Variants in DAB1 observed in about 807,000 individuals in gnomAD.
The protein encoded by DAB1 is DAB adaptor protein 1, also known as disabled homolog 1.
A neutral mutation model predicts 64.6 loss-of-function variants in DAB1; 15 were observed. The observed-to-expected ratio is 0.23, with a 90% CI of 0.16 to 0.36. DAB1 has a LOEUF of 0.36. DAB1 is among the 10% of genes least tolerant of loss of function. The pLI is 1.00. For missense variants in DAB1, 596 were observed against 706.7 expected, an observed-to-expected ratio of 0.84 and a Z score of 1.78; for synonymous variants, 235 against 251.9, an observed-to-expected ratio of 0.93 and a Z score of 0.64.
chr1:57,735,611 T>G (rs1216030773), intron 6 of DAB1, among the ~76,000 whole-genome samples: 1 of 33,744 alleles, frequency 3.0e-5, no homozygotes, highest in African/African-American at 1.5e-4. Flanking sequence ...GTTTGCTTGT[T>G]TTTTTTTTTT....
intron 1 of DAB1, among the ~76,000 whole-genome samples, chr1:57,303,163 C>A (rs1374542150): frequency 1.3e-5 from 2 of 152,032 alleles, no homozygotes; most frequent in East Asian, 3.9e-4. Context: ...CAGAAGAGAC[C>A]AGAGAGATCC....
intron 3 of DAB1, among the ~76,000 whole-genome samples, chr1:57,137,525 A>G (rs147075691): frequency 2.3e-3 from 357 of 152,278 alleles, no homozygotes; most frequent in Admixed American, 3.9e-3. Context: ...GCAGGAAAGC[A>G]TGGGCTCCAT....
At chr1:58,154,133 C>T (rs1257496947) in intron 4 of DAB1, among the ~76,000 whole-genome samples, 2 of 152,052 alleles carry the variant, frequency 1.3e-5, no homozygotes. Context: ...TTAAAAAACG[C>T]TCCCTATCCT....
chr1:57,555,190 A>T (rs555918679), intron 7 of DAB1, among the ~76,000 whole-genome samples: 10 of 151,474 alleles, frequency 6.6e-5, no homozygotes, highest in Admixed American at 1.3e-4. Flanking sequence ...ACGTGCCCCC[A>T]CACCCAGGTA....
At chr1:57,283,241 T>C (rs573935778) in intron 2 of DAB1, among the ~76,000 whole-genome samples, 3 of 152,350 alleles carry the variant, frequency 2.0e-5, no homozygotes, top group South Asian at 2.1e-4. Flanking sequence ...CTTGACAACA[T>C]GGTCCATTTT....
intron 1 of DAB1, among the ~76,000 whole-genome samples, chr1:57,382,199 C>T (rs571646450): frequency 6.6e-6 from 1 of 152,278 alleles, no homozygotes; most frequent in South Asian, 2.1e-4. Context: ...AACACACTCT[C>T]ACCCAACAGC....
intron 2 of DAB1, among the ~76,000 whole-genome samples, chr1:58,517,973 G>T (rs541437346): frequency 7.9e-5 from 12 of 151,470 alleles, no homozygotes; most frequent in Non-Finnish European, 1.3e-4. Context: ...GGTCACCTGA[G>T]GTTGGGAGTT....
intron 3 of DAB1, among the ~76,000 whole-genome samples, chr1:58,431,988 T>C (rs1246518138): frequency 6.6e-6 from 1 of 152,188 alleles, no homozygotes; most frequent in Non-Finnish European, 1.5e-5. Flanking sequence ...GGCTTGAACA[T>C]AGATTTCTCA....
chr1:57,588,974 GC>G (rs201319770), intron 7 of DAB1, among the ~76,000 whole-genome samples: 3,378 of 152,212 alleles, frequency 0.022, 146 homozygotes, highest in African/African-American at 0.074. Context: ...GGTGGCTCAC[GC>G]CTGTAATCCC....
intron 2 of DAB1, among the ~76,000 whole-genome samples, chr1:57,224,814 G>A (rs1667137528): frequency 6.6e-6 from 1 of 152,196 alleles, no homozygotes; most frequent in Non-Finnish European, 1.5e-5. Flanking sequence ...TTCAGGATGG[G>A]AGCTGGTTAC....
intron 4 of DAB1, among the ~76,000 whole-genome samples, chr1:58,205,802 A>C (rs1419503101): frequency 1.3e-5 from 2 of 152,028 alleles, no homozygotes; most frequent in African/African-American, 4.8e-5. Flanking sequence ...AGGTGTAAGG[A>C]ACAGTCCTAC....
At chr1:56,999,206 G>A (rs993068616) in intron 14 of DAB1, among the ~76,000 whole-genome samples, 2 of 152,202 alleles carry the variant, frequency 1.3e-5, no homozygotes, top group Non-Finnish European at 2.9e-5. Context: ...GTATTTTCAA[G>A]TACATTGTCT....
At chr1:57,643,903 C>T (rs1646160849) in intron 7 of DAB1, among the ~76,000 whole-genome samples, 1 of 152,210 alleles carries the variant, frequency 6.6e-6, no homozygotes, top group South Asian at 2.1e-4. Flanking sequence ...ATAGGCTGGT[C>T]AGCAATTAGT....
chr1:58,267,005 A>C (rs892880381), intron 4 of DAB1, among the ~76,000 whole-genome samples: 2 of 152,194 alleles, frequency 1.3e-5, no homozygotes, highest in Non-Finnish European at 2.9e-5. Context: ...GGATCACCTG[A>C]AGTCAGGAGT....
chr1:58,056,266 T>C (rs1648079387), intron 5 of DAB1: 4 of 1,332,672 alleles, frequency 3.0e-6, no homozygotes, highest in Non-Finnish European at 4.3e-6. Context: ...CACACAGTAA[T>C]GTAGCTTCAC....
chr1:57,648,848 T>C (rs1009177924), intron 7 of DAB1, among the ~76,000 whole-genome samples: 2 of 152,218 alleles, frequency 1.3e-5, no homozygotes, highest in African/African-American at 4.8e-5. Context: ...AGAGCAATGC[T>C]CTGTTCATCC....
intron 7 of DAB1, among the ~76,000 whole-genome samples, chr1:57,504,269 G>T (rs1413835467): frequency 1.3e-5 from 2 of 152,158 alleles, no homozygotes; most frequent in East Asian, 3.8e-4. Context: ...ATTCTTTGGA[G>T]AAATAGCTAA....
chr1:57,457,184 A>T (rs1367395988), intron 7 of DAB1, among the ~76,000 whole-genome samples: 4 of 152,084 alleles, frequency 2.6e-5, no homozygotes, highest in Non-Finnish European at 5.9e-5. Context: ...TTCTGCCTTG[A>T]GGAGGGAGGA....
chr1:57,597,975 T>C (rs887017742), intron 7 of DAB1, among the ~76,000 whole-genome samples: 3 of 152,162 alleles, frequency 2.0e-5, no homozygotes, highest in African/African-American at 4.8e-5. Flanking sequence ...TTAGTTTATT[T>C]TTATTTTTAT....
Sources: gnomAD v4.1 joint callset for allele counts (sites outside exome capture counted in the v4.1 genomes callset) on GRCh38, gnomAD v4.1.1 for gene constraint, MANE v1.5 for transcripts, NCBI Gene and HGNC (gene_info 2026-07-23, HGNC 2026-07-21) for gene names.